Variants in CAND2 observed in about 807,000 individuals in gnomAD.
The protein encoded by CAND2 is cullin-associated NEDD8-dissociated protein 2.
In CAND2, 62 loss-of-function variants were observed where a neutral mutation model predicts 98.9. The observed-to-expected ratio is 0.63, with a 90% CI of 0.51 to 0.77. The LOEUF (loss-of-function observed/expected upper bound fraction) is 0.77. CAND2 is among the 30% of genes least tolerant of loss of function. CAND2 has a pLI of 0.00. For missense variants in CAND2, 1,501 were observed against 1,655.2 expected, an observed-to-expected ratio of 0.91 and a Z score of 1.62; for synonymous variants, 770 against 731.9, an observed-to-expected ratio of 1.05 and a Z score of -0.84.
chr3:12,813,185 C>T, intron 6 of CAND2, 61 bp from the exon 7 acceptor site: 2 of 1,598,000 alleles, frequency 1.3e-6, no homozygotes, highest in Non-Finnish European at 1.7e-6. Flanking sequence ...TCCCATTGGG[C>T]CCTGTCCCCC....
In CAND2 at chr3:12,816,297, TA is replaced by T. The variant is rs920691491; in HGVS notation, c.1442-76del. The stretch of plus-strand genomic sequence containing the variant: ...TCAGTCCAGCTCAGGCACTTGTAGG[TA>T]CCCCAGCCTTGCTTCCAGGGAGGGC... On this transcript the variant is annotated intron_variant, in intron 9 of 14. Transcript: ENST00000456430. The T allele has an allele frequency of 2.6e-5, 36 of 1,410,042 alleles. No individual in the cohort carries two copies. In the African/African-American group the frequency reaches 4.9e-4, roughly 19 times the overall value. 87.3% of individuals were successfully genotyped at this position (1,410,042 alleles called of 1,614,324 possible). A position where few individuals can be genotyped will look rare whatever the true frequency, so the allele number is the denominator to read the frequency against.
intron 11 of CAND2, 79 bp downstream of exon 11, chr3:12,820,260 C>A (rs2061946765): frequency 1.8e-6 from 2 of 1,119,884 alleles, no homozygotes; most frequent in Non-Finnish European, 1.3e-6. Flanking sequence ...GTTTACTACC[C>A]AATAGCCAAG....
At position 12,817,396 on chromosome 3, in the gene CAND2, A is replaced by G. The variant is rs1162151398; in HGVS notation, c.2464A>G (p.Thr822Ala). The change falls in exon 10 of 15, where the codon ACA (threonine) becomes GCA (alanine). Residue 822 changes from threonine (T) to alanine (A), a missense_variant. By Grantham distance (58) the Thr-to-Ala change is moderately conservative (BLOSUM62 0). Around this residue, in one of 3 missense-constraint regions of CAND2, gnomAD observed 1,427 missense variants for 1,545.3 expected, o/e 0.92. Coordinates refer to ENST00000456430, the MANE Select transcript of CAND2 (RefSeq NM_001162499.2). ...SAACPQEAAS[T>A]ASRLVCDARS... ...TGCCTGTCCCCAAGAGGCGGCAAGCACAGCCAGTCGCCTGGTCTGCGATGC... is the reference window on the plus strand; with the variant it reads ...TGCCTGTCCCCAAGAGGCGGCAAGCGCAGCCAGTCGCCTGGTCTGCGATGC... The G allele has an allele frequency of 6.2e-7, 1 of 1,613,730 alleles. No homozygotes were observed. Among genetic ancestry groups the G allele is most frequent in the South Asian group, 1.1e-5 (1 of 91,090 alleles).
chr3:12,832,512 G>A (rs1341582057), intron 14 of CAND2: 1 of 152,188 alleles, frequency 6.6e-6, no homozygotes, highest in Non-Finnish European at 1.5e-5. Context: ...CCACTCATCT[G>A]GCCACGCGGA....
chr3:12,819,971 G>T, intron 10 of CAND2, 115 bp from the exon 11 acceptor site: 3 of 756,936 alleles, frequency 4.0e-6, no homozygotes, highest in Non-Finnish European at 4.5e-6. Context: ...AGATGGGGAG[G>T]GGGTACAGTT....
At chr3:12,810,403 G>C (rs1338738475) in intron 5 of CAND2, 79 bp downstream of exon 5, 2 of 1,315,476 alleles carry the variant, frequency 1.5e-6, no homozygotes, top group African/African-American at 3.1e-5. Flanking sequence ...TAAAGGGGCG[G>C]AGCTTGGGCC....
intron 12 of CAND2, among the ~76,000 whole-genome samples, chr3:12,826,830 CTT>C (rs1407883495): frequency 1.8e-4 from 24 of 131,720 alleles, no homozygotes; most frequent in Admixed American, 1.5e-4. Flanking sequence ...GTAACATTTA[CTT>C]TTTTTTTTTT....
intron 11 of CAND2, among the ~76,000 whole-genome samples, chr3:12,821,734 A>C (rs2061958449): frequency 6.6e-6 from 1 of 152,016 alleles, no homozygotes; most frequent in Non-Finnish European, 1.5e-5. Context: ...AATATACCTC[A>C]TCATAGTGGA....
intron 14 of CAND2, among the ~76,000 whole-genome samples, 173 bp from the exon 15 acceptor site, chr3:12,833,582 C>A (rs757908754): frequency 1.3e-5 from 2 of 152,058 alleles, no homozygotes; most frequent in Non-Finnish European, 2.9e-5. Flanking sequence ...GTGCAAAAGC[C>A]CAGAGGTGGA....
chr3:12,803,209 G>T (rs1191438551), intron 1 of CAND2, among the ~76,000 whole-genome samples: 1 of 152,100 alleles, frequency 6.6e-6, no homozygotes, highest in Non-Finnish European at 1.5e-5. Flanking sequence ...AGCCAGGATG[G>T]TCTTGATCTC....
intron 2 of CAND2, among the ~76,000 whole-genome samples, chr3:12,803,893 G>A (rs1343247175): frequency 1.3e-5 from 2 of 152,144 alleles, no homozygotes; most frequent in Non-Finnish European, 2.9e-5. Flanking sequence ...TCAAGGGTAT[G>A]GTACGAAGCA....
chr3:12,827,559 C>A lies in CAND2; in HGVS notation c.3330C>A (p.Phe1110Leu), dbSNP rs762769932. 4.3e-6 allele frequency: 7 copies of A among 1,613,912 alleles called. No individual in the cohort carries two copies. The highest frequency in any genetic ancestry group is 3.3e-5 in the Admixed American group (2 of 59,986). Reference protein sequence around the residue: ...SCLGQLDICEFLNHVEDGLKD... With the variant: ...SCLGQLDICELLNHVEDGLKD... Reference sequence around the variant, plus strand: ...TGGGCCAGCTGGATATCTGTGAGTTCCTGAACCATGTGGAGGACGGGCTGA... The same window carrying A: ...TGGGCCAGCTGGATATCTGTGAGTTACTGAACCATGTGGAGGACGGGCTGA... The change falls in exon 13 of 15, where the codon TTC (phenylalanine) becomes TTA (leucine). Residue 1110 changes from phenylalanine to leucine, a missense_variant. Transcript: ENST00000456430.
Position 12,798,810 on chromosome 3 carries a change from G to T in CAND2, c.68+2022G>T, listed in dbSNP as rs1265131585. Among the ~76,000 whole-genome samples the T allele has an allele frequency of 2.0e-5, 3 of 152,216 alleles. No individual in the cohort carries two copies. In the East Asian group the frequency reaches 5.8e-4, roughly 29 times the overall value. ...TTTAAAGTCCGAATACCAGGGTGCT[G>T]GGTCCTGCAGACCAGCTGTCCAGGC... On this transcript the variant is annotated intron_variant, in intron 1 of 14. Transcript: ENST00000456430.
At chr3:12,820,003 G>T (rs999423860) in intron 10 of CAND2, 83 bp from the exon 11 acceptor site, 42 of 1,059,350 alleles carry the variant, frequency 4.0e-5, no homozygotes, top group Non-Finnish European at 5.4e-5. Flanking sequence ...GGAAGCAGGG[G>T]GAGGAGCCTA....
At chr3:12,821,954 T>C (rs2061959990) in intron 11 of CAND2, among the ~76,000 whole-genome samples, 1 of 152,222 alleles carries the variant, frequency 6.6e-6, no homozygotes, top group Non-Finnish European at 1.5e-5. Context: ...AATTTTTGAG[T>C]ACATAAAATA....
chr3:12,815,430 A>G lies in CAND2; in HGVS notation c.1296A>G (p.Gly432=). Reference sequence around the variant, plus strand: ...GCAGCAACCTCCATATGCTACGTGGACAGGTGGGCGTGCCTTCACCTCCAC... The same window carrying G: ...GCAGCAACCTCCATATGCTACGTGGGCAGGTGGGCGTGCCTTCACCTCCAC... ...QTGSNLHMLR[G]QVPLVVKALQ... is the part of the protein sequence containing the mutation. Residue 432 remains glycine, a synonymous_variant, in exon 8 of 15, where the codon GGA becomes GGG. Coordinates refer to ENST00000456430, the MANE Select transcript of CAND2 (RefSeq NM_001162499.2). This position sits in a 1 kb window ranked among gnomAD's most constrained non-coding sequence, Gnocchi z 5.7. The G allele has an allele frequency of 6.2e-7, 1 of 1,606,924 alleles. No homozygotes were observed. The highest frequency in any genetic ancestry group is 1.1e-5 in the South Asian group (1 of 90,928).
intron 4 of CAND2, 150 bp downstream of exon 4, chr3:12,808,483 G>A: frequency 9.8e-6 from 9 of 914,148 alleles, no homozygotes; most frequent in Non-Finnish European, 1.5e-5. Flanking sequence ...GAACTCAATT[G>A]TCACAATTTT....
chr3:12,810,747 A>G (rs911734022), intron 5 of CAND2, among the ~76,000 whole-genome samples: 4 of 152,264 alleles, frequency 2.6e-5, no homozygotes, highest in African/African-American at 9.6e-5. Flanking sequence ...ATATCTTAGT[A>G]ACAGCCCATG....
At chr3:12,826,046 C>T (rs912205074) in intron 12 of CAND2, among the ~76,000 whole-genome samples, 7 of 152,204 alleles carry the variant, frequency 4.6e-5, no homozygotes, top group Non-Finnish European at 8.8e-5. Context: ...AGGAGTTCAT[C>T]GTGGCCCCCT....
Sources: allele counts gnomAD v4.1 joint callset (sites outside exome capture counted in the v4.1 genomes callset), GRCh38; gene constraint gnomAD v4.1.1; regional missense constraint gnomAD v4.1.1; non-coding constraint Gnocchi (gnomAD v3.1); transcripts MANE v1.5; gene names NCBI Gene and HGNC (gene_info 2026-07-23, HGNC 2026-07-21).